ABCA12: variants seen among roughly 807,000 people sequenced by gnomAD.
ABCA12 encodes ATP binding cassette subfamily A member 12, also known as glucosylceramide transporter ABCA12.
Under a neutral mutation model 293.5 loss-of-function variants are expected in ABCA12, and 156 were observed. That is an observed-to-expected ratio of 0.53 (90% CI 0.47 to 0.61). The LOEUF is 0.61. ABCA12 is among the 20% of genes least tolerant of loss of function. The pLI is 0.00. For synonymous variants in ABCA12, 1,063 were observed against 1,108.0 expected (o/e 0.96, Z 0.81); for missense variants, 2,797 against 3,090.2 (o/e 0.91, Z 2.25).
Position 214,948,679 on chromosome 2 carries a change from C to T in ABCA12, c.7021G>A (p.Ala2341Thr), listed in dbSNP as rs1489238710. The stretch of plus-strand genomic sequence containing the variant: ...TCCACAGTTACCAGGTCATCTAAGG[C>T]ATCTTCCTGAGGACAGTAGCCAACT... ...SLVGYCPQED[A>T]LDDLVTVEEH... The change falls in exon 47 of 53, where the codon GCC (alanine) becomes ACC (threonine). Residue 2341 changes from alanine to threonine, a missense_variant. By Grantham distance (58) the Ala-to-Thr change is moderately conservative. Coordinates refer to ENST00000272895, the MANE Select transcript of ABCA12 (RefSeq NM_173076.3). The T allele has an allele frequency of 2.5e-6, 4 of 1,613,934 alleles. No homozygotes were observed. The highest frequency in any genetic ancestry group is 3.3e-5 in the Admixed American group (2 of 59,992).
At chr2:215,109,747 C>T (rs998622137) in intron 2 of ABCA12, among the ~76,000 whole-genome samples, 2 of 152,038 alleles carry the variant, frequency 1.3e-5, no homozygotes, top group African/African-American at 2.4e-5. Context: ...ATCTCTAATG[C>T]TATCAGGTAA....
At chr2:215,100,194 A>AT (rs946671910) in intron 2 of ABCA12, among the ~76,000 whole-genome samples, 4 of 151,738 alleles carry the variant, frequency 2.6e-5, no homozygotes, top group African/African-American at 9.7e-5. Context: ...TTTTATTTTT[A>AT]TTTTTTTGTA....
intron 9 of ABCA12, among the ~76,000 whole-genome samples, chr2:215,030,720 G>C (rs1001788495): frequency 1.6e-4 from 25 of 152,196 alleles, no homozygotes; most frequent in African/African-American, 6.0e-4. Context: ...TAGAGGATGA[G>C]AGAGATGGCA....
intron 8 of ABCA12, among the ~76,000 whole-genome samples, chr2:215,036,035 CT>C (rs1298213888): frequency 7.3e-5 from 11 of 151,464 alleles, no homozygotes; most frequent in South Asian, 6.3e-4. Flanking sequence ...CTAGCCTAAA[CT>C]TTTTTTTTAA....
chr2:214,974,442 G>A (rs1699462684), intron 35 of ABCA12, among the ~76,000 whole-genome samples: 1 of 152,098 alleles, frequency 6.6e-6, no homozygotes, highest in South Asian at 2.1e-4. Context: ...TAGTGCAAAT[G>A]AGAACTGGAG....
rs141890208 is a variant in ABCA12, at chr2:215,109,679, A to AT, written c.163+1917dup. ...GCACATATCACATTATTTCTCTAGT[A>AT]TTTTTTTTCTTCCTAATTTAGTAGA... is the stretch of plus-strand genomic sequence containing the variant. On this transcript the variant is annotated intron_variant, in intron 2 of 52. Coordinates refer to ENST00000272895, the MANE Select transcript of ABCA12 (RefSeq NM_173076.3). 3.9e-5 allele frequency among the ~76,000 whole-genome samples: 6 copies of AT among 152,008 alleles called. No homozygotes were observed. In the South Asian group the frequency reaches 8.3e-4, roughly 21 times the overall value.
chr2:215,096,894 A>G (rs1216777987), intron 2 of ABCA12, among the ~76,000 whole-genome samples: 1 of 152,076 alleles, frequency 6.6e-6, no homozygotes, highest in Non-Finnish European at 1.5e-5. Context: ...AATTTTATAG[A>G]TTCAAACTCA....
intron 2 of ABCA12, among the ~76,000 whole-genome samples, chr2:215,110,389 T>C (rs1253374538): frequency 1.3e-5 from 2 of 152,134 alleles, no homozygotes; most frequent in African/African-American, 4.8e-5. Context: ...TGGGCGCCTG[T>C]AGTCCCACCT....
intron 1 of ABCA12, among the ~76,000 whole-genome samples, chr2:215,136,304 C>T (rs191694810): frequency 5.9e-5 from 9 of 152,266 alleles, no homozygotes; most frequent in African/African-American, 1.9e-4. Flanking sequence ...AATATTTCAC[C>T]ATGTCCACAA....
intron 43 of ABCA12, 69 bp downstream of exon 43, chr2:214,955,133 A>G: frequency 6.5e-7 from 1 of 1,548,402 alleles, no homozygotes; most frequent in South Asian, 1.1e-5. Context: ...TTTATGTAGA[A>G]TAAATAAAAT....
intron 2 of ABCA12, among the ~76,000 whole-genome samples, chr2:215,107,934 T>C (rs1320897492): frequency 6.6e-6 from 1 of 152,132 alleles, no homozygotes; most frequent in Non-Finnish European, 1.5e-5. Context: ...AGGAGTGAGG[T>C]GTGTTCTGGC....
At chr2:215,090,812 G>A (rs556496405) in intron 2 of ABCA12, among the ~76,000 whole-genome samples, 44 of 151,960 alleles carry the variant, frequency 2.9e-4, no homozygotes, top group Admixed American at 1.4e-3. Flanking sequence ...TTTTTACTAC[G>A]GGCAATCTTC....
At position 214,932,661 on chromosome 2, in the gene ABCA12, G is replaced by C. The variant is rs1698095228; in HGVS notation, c.7761C>G (p.Asp2587Glu). ...TSSQGSTISVDSQDDQMES is the reference protein window; with the variant it reads ...TSSQGSTISVESQDDQMES The stretch of plus-strand genomic sequence containing the variant: ...AAGACTCCATCTGGTCATCTTGTGA[G>C]TCAACACTTATAGTGGAACCTTGGC... Residue 2587 changes from aspartate (D) to glutamate (E), a missense_variant, in exon 53 of 53, where the codon GAC becomes GAG. Physicochemically the swap from Asp to Glu is conservative, Grantham distance 45 (BLOSUM62 2). Transcript: ENST00000272895. 1.2e-6 allele frequency: 2 copies of C among 1,613,278 alleles called. No individual in the cohort carries two copies. Among genetic ancestry groups the C allele is most frequent in the African/African-American group, 2.7e-5 (2 of 74,878 alleles).
chr2:215,049,503 A>G lies in ABCA12; in HGVS notation c.693+123T>C, dbSNP rs887705446. 6.4e-6 allele frequency: 6 copies of G among 937,884 alleles called. No individual in the cohort carries two copies. In the African/African-American group the frequency reaches 8.3e-5, roughly 13 times the overall value. The allele number at this position is 937,884 out of a possible 1,614,324, so 58.1% of individuals were successfully genotyped here. ...GATTAAACTTTGTGTGCAAATGTCT[A>G]TGTGAGGAAAACATGCCTAAGGTAA... On this transcript the variant is annotated intron_variant, in intron 6 of 52. Transcript: ENST00000272895.
rs1425030663 is a variant in ABCA12 at position 215,086,919 on chromosome 2, T to TTCATTATTATTATTATTA, written c.164-22701_164-22700insTAATAATAATAATAATGA. On this transcript the variant is annotated intron_variant, in intron 2 of 52. Transcript: ENST00000272895. ...GAACTTACCTTTCTCTAACTACCAGTTTATTATTATTATTATTATTATTAT... is the reference window on the plus strand; with the variant it reads ...GAACTTACCTTTCTCTAACTACCAGTTCATTATTATTATTATTATTATTATTATTATTATTATTATTAT... Among the ~76,000 whole-genome samples, 351 of 151,096 alleles carry TTCATTATTATTATTATTA rather than the reference T, an allele frequency of 2.3e-3. 2 individuals carry two copies. Among genetic ancestry groups the TTCATTATTATTATTATTA allele is most frequent in the African/African-American group, 7.6e-3 (311 of 40,698 alleles).
At chr2:215,010,235 T>C (rs535959557) in intron 18 of ABCA12, 96 bp downstream of exon 18, 54 of 1,437,236 alleles carry the variant, frequency 3.8e-5, no homozygotes, top group Non-Finnish European at 4.7e-5. Context: ...GTAGGTAAGA[T>C]AGAAAGAAAT....
Position 214,976,005 on chromosome 2 carries a change from C to T in ABCA12, c.5161G>A (p.Gly1721Ser), listed in dbSNP as rs751542828. Residue 1721 changes from glycine (G) to serine (S), a missense_variant, in exon 34 of 53, where the codon GGC becomes AGC. Gly to Ser is a moderately conservative substitution (Grantham distance 56, BLOSUM62 0). Transcript: ENST00000272895. The part of the protein sequence containing the change: ...KILTRGERLD[G>S]FGLLLKKIMA... ...ATCTTCTTCAGCAACAGTCCAAAGC[C>T]ATCCAGCCTCTCTCCTCTTGTCAGG... 1.2e-6 allele frequency: 2 copies of T among 1,614,020 alleles called. No homozygotes were observed. Among genetic ancestry groups the T allele is most frequent in the East Asian group, 4.5e-5 (2 of 44,858 alleles).
intron 23 of ABCA12, among the ~76,000 whole-genome samples, chr2:214,995,516 T>C (rs1700013625): frequency 6.6e-6 from 1 of 152,200 alleles, no homozygotes; most frequent in African/African-American, 2.4e-5. Flanking sequence ...ACTTCCGTTC[T>C]ACTGCCAGAT....
intron 1 of ABCA12, among the ~76,000 whole-genome samples, chr2:215,134,153 G>C (rs1398059178): frequency 1.3e-5 from 2 of 151,402 alleles, no homozygotes; most frequent in African/African-American, 4.9e-5. Flanking sequence ...TAAATATTTA[G>C]CTTATGCTAT....
Sources: gnomAD v4.1 joint callset for allele counts (sites outside exome capture counted in the v4.1 genomes callset) on GRCh38, gnomAD v4.1.1 for gene constraint, MANE v1.5 for transcripts, NCBI Gene and HGNC (gene_info 2026-07-23, HGNC 2026-07-21) for gene names.